The following CNTN5 variants were observed in gnomAD, a reference collection of about 807,000 sequenced individuals.
The protein encoded by CNTN5 is contactin-5.
Under a neutral mutation model 129.1 loss-of-function variants are expected in CNTN5, and 77 were observed. The observed-to-expected ratio is 0.60, with a 90% CI of 0.50 to 0.72. CNTN5 has a LOEUF of 0.72. Among genes scored for constraint, CNTN5 ranks in the 30% least tolerant of loss-of-function variants. The pLI is 0.00. For missense variants in CNTN5, 1,478 were observed against 1,328.8 expected (o/e 1.11, Z -1.75); for synonymous variants, 509 against 465.6 (o/e 1.09, Z -1.20).
chr11:100,063,371 C>T (rs1333806055), intron 10 of CNTN5, among the ~76,000 whole-genome samples: 8 of 150,484 alleles, frequency 5.3e-5, no homozygotes, highest in Admixed American at 1.3e-4. Flanking sequence ...GCGTGCATCA[C>T]TTTGAATAGA....
At chr11:99,693,794 A>G (rs1954142369) in intron 3 of CNTN5, among the ~76,000 whole-genome samples, 1 of 152,178 alleles carries the variant, frequency 6.6e-6, no homozygotes, top group South Asian at 2.1e-4. Context: ...AATTGACAAC[A>G]TGAAAGTTCA....
chr11:100,308,412 A>G lies in CNTN5; in HGVS notation c.2674A>G (p.Ile892Val). ...GGCGACAAGTGTGTCTGTGTCAGAGATTCTTGTTGCATGGAAACACATTAA... is the reference window on the plus strand; with the variant it reads ...GGCGACAAGTGTGTCTGTGTCAGAGGTTCTTGTTGCATGGAAACACATTAA... ...VKATSVSVSE[I>V]LVAWKHIKES... The change falls in exon 21 of 25, where the codon ATT becomes GTT. Residue 892 changes from isoleucine to valine, a missense_variant. Transcript: ENST00000524871. The G allele has an allele frequency of 6.2e-7, 1 of 1,611,118 alleles. No homozygotes were observed. The highest frequency in any genetic ancestry group is 8.5e-7 in the Non-Finnish European group (1 of 1,178,024).
chr11:99,771,381 T>C (rs1253337239), intron 3 of CNTN5, among the ~76,000 whole-genome samples: 2 of 152,024 alleles, frequency 1.3e-5, no homozygotes, highest in Non-Finnish European at 2.9e-5. Flanking sequence ...TATATGTACA[T>C]ACATACATAT....
intron 1 of CNTN5, among the ~76,000 whole-genome samples, chr11:99,028,177 T>G (rs1221184321): frequency 6.6e-6 from 1 of 151,790 alleles, no homozygotes; most frequent in Non-Finnish European, 1.5e-5. Context: ...TTTATGAAAA[T>G]TATACATATT....
chr11:99,784,335 T>C (rs542388209), intron 3 of CNTN5, among the ~76,000 whole-genome samples: 3 of 152,042 alleles, frequency 2.0e-5, no homozygotes, highest in African/African-American at 7.2e-5. Context: ...GTGTGTGATG[T>C]TCCCCTCCCT....
intron 2 of CNTN5, among the ~76,000 whole-genome samples, chr11:99,428,654 T>C (rs1014907786): frequency 2.0e-5 from 3 of 151,990 alleles, no homozygotes; most frequent in South Asian, 2.1e-4. Flanking sequence ...GAATATCTAT[T>C]ATCTAACATA....
At chr11:99,452,993 T>G (rs1944365461) in intron 2 of CNTN5, among the ~76,000 whole-genome samples, 1 of 152,200 alleles carries the variant, frequency 6.6e-6, no homozygotes, top group African/African-American at 2.4e-5. Flanking sequence ...GTAAAAAAGC[T>G]AAGAAGTGGC....
chr11:99,182,809 CAT>C (rs1228366883), intron 1 of CNTN5, among the ~76,000 whole-genome samples: 8 of 152,122 alleles, frequency 5.3e-5, no homozygotes, highest in African/African-American at 1.7e-4. Flanking sequence ...ACAGTGGTAA[CAT>C]GTGTTCTAAC....
chr11:99,359,801 G>A (rs994564973), intron 2 of CNTN5, among the ~76,000 whole-genome samples: 3 of 151,930 alleles, frequency 2.0e-5, no homozygotes, highest in African/African-American at 7.3e-5. Context: ...CTGAAATGCA[G>A]TAGTACGACA....
intron 14 of CNTN5, among the ~76,000 whole-genome samples, chr11:100,191,840 C>G (rs1239380968): frequency 6.6e-6 from 1 of 151,880 alleles, no homozygotes; most frequent in Admixed American, 6.6e-5. Context: ...CGATTTCAAG[C>G]CTAGAACATT....
In CNTN5 at chr11:99,330,674, A is replaced by G. The variant is rs550680417; in HGVS notation, c.-71+5190A>G. Among the ~76,000 whole-genome samples the G allele has an allele frequency of 5.9e-5, 9 of 152,140 alleles. No homozygotes were observed. The South Asian group carries it at 1.5e-3, about 25-fold the overall frequency. ...AAGCAGCCACAGTGGCCTCAGATGC[A>G]TTTTTTAGTATCATATGCCTCAGTG... On this transcript the variant is annotated intron_variant, in intron 2 of 24. Coordinates refer to ENST00000524871, the MANE Select transcript of CNTN5 (RefSeq NM_014361.4).
intron 15 of CNTN5, among the ~76,000 whole-genome samples, chr11:100,205,447 C>T (rs924601032): frequency 6.6e-6 from 1 of 151,916 alleles, no homozygotes; most frequent in Admixed American, 6.6e-5. Flanking sequence ...TTAGAAAAGA[C>T]TATTGGACTA....
intron 1 of CNTN5, among the ~76,000 whole-genome samples, chr11:99,142,498 G>A (rs1859571959): frequency 6.6e-6 from 1 of 152,000 alleles, no homozygotes; most frequent in Non-Finnish European, 1.5e-5. Context: ...TAGCTGCTGG[G>A]GAGTGACCCA....
At chr11:99,588,696 T>C (rs981369182) in intron 3 of CNTN5, among the ~76,000 whole-genome samples, 2 of 152,142 alleles carry the variant, frequency 1.3e-5, no homozygotes, top group Non-Finnish European at 2.9e-5. Flanking sequence ...TACCTAGCAG[T>C]TGACATCTGG....
At chr11:99,587,735 A>G (rs939178862) in intron 3 of CNTN5, among the ~76,000 whole-genome samples, 1 of 136,098 alleles carries the variant, frequency 7.3e-6, no homozygotes, top group African/African-American at 2.8e-5. Context: ...TGATCAGCTT[A>G]AAAACTAGTA....
At chr11:99,796,931 T>A (rs1945963266) in intron 3 of CNTN5, among the ~76,000 whole-genome samples, 1 of 152,032 alleles carries the variant, frequency 6.6e-6, no homozygotes, top group Non-Finnish European at 1.5e-5. Context: ...GGGTCAGTTG[T>A]GAGGGCAGGC....
intron 8 of CNTN5, among the ~76,000 whole-genome samples, chr11:99,996,552 A>G (rs80240233): frequency 0.12 from 18,263 of 152,018 alleles, 1,155 homozygotes; most frequent in Middle Eastern, 0.16. Flanking sequence ...TCATTTTTTT[A>G]TAGCTCCATT....
chr11:99,480,022 T>C (rs925933918), intron 2 of CNTN5, among the ~76,000 whole-genome samples: 11 of 39,614 alleles, frequency 2.8e-4, no homozygotes, highest in African/African-American at 9.5e-4. Flanking sequence ...TGGCTAAAAG[T>C]AGAGATACAA....
intron 6 of CNTN5, among the ~76,000 whole-genome samples, chr11:99,885,295 G>A (rs1948873378): frequency 6.6e-6 from 1 of 151,730 alleles, no homozygotes; most frequent in African/African-American, 2.4e-5. Context: ...ATAAAAAAAA[G>A]AAAAAGAAAG....
Sources: gnomAD v4.1 joint callset for allele counts (sites outside exome capture counted in the v4.1 genomes callset) on GRCh38, gnomAD v4.1.1 for gene constraint, MANE v1.5 for transcripts, NCBI Gene and HGNC (gene_info 2026-07-23, HGNC 2026-07-21) for gene names.